ACBD4: variants seen among roughly 807,000 people sequenced by gnomAD.
ACBD4 encodes the protein acyl-CoA binding domain containing 4, also known as acyl-CoA-binding domain-containing protein 4.
ACBD4 carries 41 observed loss-of-function variants against 46.0 expected under a neutral mutation model. The observed-to-expected ratio is 0.89, with a 90% CI of 0.69 to 1.16. The LOEUF (loss-of-function observed/expected upper bound fraction) is 1.16, where lower values mean the gene tolerates loss of function less well. Among genes scored for constraint, ACBD4 ranks in the 50% most tolerant of loss-of-function variants. The pLI is 0.00. For missense variants in ACBD4, 393 were observed against 399.5 expected (o/e 0.98, Z 0.14); for synonymous variants, 162 against 155.9 (o/e 1.04, Z -0.29).
chr17:45,132,122 G>T, upstream of ACBD4: 2 of 1,056,946 alleles, frequency 1.9e-6, no homozygotes, highest in Non-Finnish European at 1.2e-6. The surrounding 1 kb of genome is among the most constrained non-coding windows in gnomAD (Gnocchi z 4.6). Flanking sequence ...CTGGCCCTCC[G>T]CCCCTAGCCA....
Position 45,136,482 on chromosome 17 carries a change from T to G in ACBD4, c.89-18T>G, listed in dbSNP as rs2054843170. On this transcript the variant is annotated intron_variant, in intron 2 of 9. Coordinates refer to ENST00000321854, the MANE Select transcript of ACBD4 (RefSeq NM_001135705.3). ...CTGGGAGTGATGCTTTGCCCTGGCT[T>G]CCCAACTCTCTGCCCAGGTTCTTAC... 1 of 1,608,072 alleles carries G rather than the reference T, an allele frequency of 6.2e-7. No individual in the cohort carries two copies. Among genetic ancestry groups the G allele is most frequent in the African/African-American group, 1.3e-5 (1 of 74,752 alleles).
upstream of ACBD4, chr17:45,132,490 G>A (rs1056738007): frequency 6.4e-6 from 6 of 938,460 alleles, no homozygotes; most frequent in Admixed American, 4.9e-5. This position sits in a 1 kb window ranked among gnomAD's most constrained non-coding sequence, Gnocchi z 4.6. Context: ...GCCCGGCCCC[G>A]GCTCTGAGCG....
At chr17:45,142,489 C>G (rs1020435334) in intron 9 of ACBD4, 11 of 170,804 alleles carry the variant, frequency 6.4e-5, no homozygotes. Context: ...TTCCAGTTTT[C>G]TCTTGAGTAT....
In ACBD4 at chr17:45,143,724, AC is replaced by A; in HGVS notation, c.*157del. ...TAAAGCAGCGCGGGGGGCAAATAAG[AC>A]CCCACCCCTCCCTGCAGCTTCACAG... On this transcript the variant is annotated 3_prime_UTR_variant, in exon 10 of 10. Coordinates refer to ENST00000321854, the MANE Select transcript of ACBD4 (RefSeq NM_001135705.3). The A allele has an allele frequency of 8.0e-7, 1 of 1,254,068 alleles. No homozygotes were observed. Among genetic ancestry groups the A allele is most frequent in the Non-Finnish European group, 1.1e-6 (1 of 900,192 alleles). 77.7% of individuals were successfully genotyped at this position (1,254,068 alleles called of 1,614,324 possible).
At chr17:45,134,625 A>C (rs2054674700), upstream of ACBD4, among the ~76,000 whole-genome samples, 2 of 151,876 alleles carry the variant, frequency 1.3e-5, no homozygotes. Context: ...AAAATACAAA[A>C]AATTAGCTGG....
At chr17:45,133,523 T>TC (rs1246491603), upstream of ACBD4, among the ~76,000 whole-genome samples, 3 of 11,572 alleles carry the variant, frequency 2.6e-4, no homozygotes, top group East Asian at 1.8e-3. Flanking sequence ...GAATTTTCTT[T>TC]TTTTTTTTTT....
At chr17:45,138,940 G>T in intron 8 of ACBD4, 81 bp from the exon 9 acceptor site, 1 of 1,498,690 alleles carries the variant, frequency 6.7e-7, no homozygotes, top group Non-Finnish European at 9.1e-7. Flanking sequence ...CACTTTCCTG[G>T]GCTTGCCCCA....
Position 45,136,518 on chromosome 17 carries a change from A to G in ACBD4, c.107A>G (p.Tyr36Cys), listed in dbSNP as rs752163773. 35 of 1,613,206 alleles carry G rather than the reference A, an allele frequency of 2.2e-5. No individual in the cohort carries two copies. The highest frequency in any genetic ancestry group is 1.6e-4 in the East Asian group (7 of 44,882). Residue 36 changes from tyrosine to cysteine, a missense_variant, in exon 3 of 10, where the codon TAT becomes TGT. By Grantham distance (194) the Tyr-to-Cys change is radical (BLOSUM62 -2). Transcript: ENST00000321854. ...TGCCCAGGTTCTTACCGCCCCTCCT[A>G]TGAAGAGATGCTGCGATTCTACAGT... The part of the protein sequence containing the change: ...LPKNGSYRPS[Y>C]EEMLRFYSYY...
intron 6 of ACBD4, 27 bp downstream of exon 6, chr17:45,137,481 C>T (rs780511863): frequency 3.1e-6 from 5 of 1,612,450 alleles, no homozygotes; most frequent in Non-Finnish European, 4.2e-6. Flanking sequence ...GAGGGGTGGA[C>T]CAAACTCAGG....
intron 9 of ACBD4, among the ~76,000 whole-genome samples, chr17:45,142,291 G>T (rs1037642344): frequency 4.4e-4 from 66 of 149,004 alleles, no homozygotes; most frequent in African/African-American, 1.6e-3. Flanking sequence ...TACTCAGGAG[G>T]CTGATGCGGG....
In ACBD4 at chr17:45,137,807, C is replaced by T. The variant is rs778120528; in HGVS notation, c.550C>T (p.Leu184=). The change falls in exon 7 of 10, where the codon CTG becomes TTG. Residue 184 remains leucine (L), a synonymous_variant. Transcript: ENST00000321854. ...GGACTCCGAGGTTTTCTGTGATTCC[C>T]TGGAGCAGCTGGAGCCTGAGCTGGT... is the stretch of plus-strand genomic sequence containing the variant. ...DLDSEVFCDS[L]EQLEPELVWT... 35 of 1,613,910 alleles carry T rather than the reference C, an allele frequency of 2.2e-5. No homozygotes were observed. In the Admixed American group the frequency reaches 4.0e-4, roughly 18 times the overall value.
chr17:45,140,372 G>A (rs2055193850), intron 9 of ACBD4, among the ~76,000 whole-genome samples: 1 of 150,166 alleles, frequency 6.7e-6, no homozygotes, highest in African/African-American at 2.4e-5. Flanking sequence ...TAGTAGAGAC[G>A]GGGTTTCACC....
At chr17:45,137,679 C>T (rs1345071280) in intron 6 of ACBD4, 81 bp from the exon 7 acceptor site, 5 of 1,510,908 alleles carry the variant, frequency 3.3e-6, no homozygotes, top group Non-Finnish European at 4.6e-6. Flanking sequence ...GTCTCCTAAA[C>T]AGGTGCTTCT....
intron 9 of ACBD4, among the ~76,000 whole-genome samples, chr17:45,139,552 T>C (rs534115935): frequency 1.3e-5 from 2 of 152,238 alleles, no homozygotes; most frequent in South Asian, 4.1e-4. Flanking sequence ...CTTGCATCCC[T>C]CTCCTCAACT....
At chr17:45,131,965 T>C (rs757849154), upstream of ACBD4, among the ~76,000 whole-genome samples, 3 of 152,132 alleles carry the variant, frequency 2.0e-5, no homozygotes, top group Non-Finnish European at 2.9e-5. Flanking sequence ...TCCATTCTCC[T>C]TGGAGACCCC....
chr17:45,137,164 C>T (rs138870660), intron 5 of ACBD4, 25 bp downstream of exon 5: 350 of 1,613,836 alleles, frequency 2.2e-4, no homozygotes, highest in Middle Eastern at 3.3e-4. Context: ...CTGGGAGCTC[C>T]AAAAGTGCTG....
At chr17:45,136,842 C>T in intron 4 of ACBD4, 66 bp downstream of exon 4, 1 of 1,600,086 alleles carries the variant, frequency 6.2e-7, no homozygotes, top group Non-Finnish European at 8.5e-7. Flanking sequence ...CAGTTCTGAC[C>T]CCCACTACGT....
At chr17:45,139,273 T>G in intron 9 of ACBD4, 113 bp downstream of exon 9, 16 of 1,091,996 alleles carry the variant, frequency 1.5e-5, no homozygotes, top group Non-Finnish European at 1.8e-5. Flanking sequence ...CCCACATCTC[T>G]CTCCAGAGAA....
chr17:45,132,483 C>T (rs996418591), upstream of ACBD4: 3 of 971,722 alleles, frequency 3.1e-6, no homozygotes, highest in Non-Finnish European at 2.6e-6. The surrounding 1 kb of genome is among the most constrained non-coding windows in gnomAD (Gnocchi z 4.6). Flanking sequence ...CGCTCTGGCC[C>T]GGCCCCGGCT....
Sources: gnomAD v4.1 joint callset for allele counts (sites outside exome capture counted in the v4.1 genomes callset) on GRCh38, gnomAD v4.1.1 for gene constraint, Gnocchi (gnomAD v3.1) non-coding constraint, MANE v1.5 for transcripts, NCBI Gene and HGNC (gene_info 2026-07-23, HGNC 2026-07-21) for gene names.